Variants in ATRNL1 observed in about 807,000 individuals in gnomAD.
ATRNL1 encodes the protein attractin-like protein 1.
ATRNL1 carries 95 observed loss-of-function variants against 182.7 expected under a neutral mutation model. The observed-to-expected ratio is 0.52, with a 90% CI of 0.44 to 0.62. The LOEUF (loss-of-function observed/expected upper bound fraction) is 0.62. Among genes scored for constraint, ATRNL1 ranks in the 20% least tolerant of loss-of-function variants. The pLI, the probability that ATRNL1 is intolerant of heterozygous loss-of-function variation, is 0.00. For missense variants in ATRNL1, 1,471 were observed against 1,679.5 expected, an observed-to-expected ratio of 0.88 and a Z score of 2.17; for synonymous variants, 576 against 568.3, an observed-to-expected ratio of 1.01 and a Z score of -0.19.
intron 26 of ATRNL1, among the ~76,000 whole-genome samples, chr10:115,584,440 C>T: frequency 7.1e-6 from 1 of 141,580 alleles, no homozygotes; most frequent in Non-Finnish European, 1.6e-5. Flanking sequence ...TGTTATTGGT[C>T]TATTCAGAGA....
intron 23 of ATRNL1, among the ~76,000 whole-genome samples, chr10:115,468,303 G>T (rs557420481): frequency 6.6e-6 from 1 of 150,852 alleles, no homozygotes; most frequent in South Asian, 2.1e-4. Context: ...AATCACTTTA[G>T]AACAATAATT....
At chr10:115,448,059 T>C (rs1480308336) in intron 21 of ATRNL1, among the ~76,000 whole-genome samples, 1 of 152,166 alleles carries the variant, frequency 6.6e-6, no homozygotes, top group Non-Finnish European at 1.5e-5. Flanking sequence ...TTATTCTTTG[T>C]CTTTTTCTTA....
intron 26 of ATRNL1, among the ~76,000 whole-genome samples, chr10:115,658,099 T>A (rs1391562487): frequency 6.0e-5 from 8 of 134,012 alleles, no homozygotes; most frequent in African/African-American, 2.2e-4. Context: ...CCTTTTTTTT[T>A]TTTTTTTTTT....
At chr10:115,544,822 A>G (rs1015970996) in intron 25 of ATRNL1, among the ~76,000 whole-genome samples, 1 of 152,202 alleles carries the variant, frequency 6.6e-6, no homozygotes, top group Non-Finnish European at 1.5e-5. Context: ...CAAGATTGTC[A>G]ATAAAGACGG....
chr10:115,368,173 C>G (rs112657580), intron 19 of ATRNL1, among the ~76,000 whole-genome samples: 9,385 of 152,224 alleles, frequency 0.062, 955 homozygotes, highest in African/African-American at 0.21. Flanking sequence ...TAGCAATCAG[C>G]GAGACTCCGT....
chr10:115,758,629 G>T (rs1362668427), intron 27 of ATRNL1, among the ~76,000 whole-genome samples: 1 of 152,234 alleles, frequency 6.6e-6, no homozygotes, highest in African/African-American at 2.4e-5. Flanking sequence ...TGAGGAGGCA[G>T]TCTGTCCCTT....
intron 26 of ATRNL1, among the ~76,000 whole-genome samples, chr10:115,578,132 T>A (rs2804185): frequency 1 from 151,329 of 151,818 alleles, 75,427 homozygotes; most frequent in Non-Finnish European, 1. Context: ...AATCTTTTTG[T>A]TGTGTTGTTG....
chr10:115,569,195 T>G (rs1217420168), intron 26 of ATRNL1, among the ~76,000 whole-genome samples: 1 of 152,184 alleles, frequency 6.6e-6, no homozygotes, highest in African/African-American at 2.4e-5. Context: ...TTGGATATCT[T>G]TCCATTGCCA....
At chr10:115,854,275 C>T (rs1188193849) in intron 28 of ATRNL1, among the ~76,000 whole-genome samples, 1 of 152,214 alleles carries the variant, frequency 6.6e-6, no homozygotes, top group Non-Finnish European at 1.5e-5. Context: ...ATTCTCGCAT[C>T]TCTGTAGTGT....
intron 10 of ATRNL1, among the ~76,000 whole-genome samples, chr10:115,247,208 G>T (rs1233383532): frequency 6.6e-6 from 1 of 152,082 alleles, no homozygotes; most frequent in Non-Finnish European, 1.5e-5. Context: ...ACAATCAACA[G>T]AATGAAAAGA....
chr10:115,207,792 A>G (rs1399154597), intron 8 of ATRNL1, among the ~76,000 whole-genome samples: 10 of 151,846 alleles, frequency 6.6e-5, no homozygotes, highest in African/African-American at 2.2e-4. Context: ...TTTTGTCTTC[A>G]TAACTTCATG....
chr10:115,435,416 A>G (rs1164768012), intron 21 of ATRNL1, among the ~76,000 whole-genome samples: 1 of 152,030 alleles, frequency 6.6e-6, no homozygotes, highest in African/African-American at 2.4e-5. Flanking sequence ...CTGCCATGGG[A>G]TGACACAGCA....
intron 8 of ATRNL1, among the ~76,000 whole-genome samples, chr10:115,190,081 A>C (rs1275647222): frequency 6.6e-6 from 1 of 152,132 alleles, no homozygotes; most frequent in South Asian, 2.1e-4. Context: ...CTAGGTATGT[A>C]GTAGGCTATA....
At chr10:115,674,994 T>C (rs1431709392) in intron 26 of ATRNL1, among the ~76,000 whole-genome samples, 1 of 152,116 alleles carries the variant, frequency 6.6e-6, no homozygotes, top group East Asian at 1.9e-4. Flanking sequence ...GTTCATTTCT[T>C]TTAACTCTGT....
chr10:115,486,634 G>T (rs376774031), intron 24 of ATRNL1, among the ~76,000 whole-genome samples: 157 of 152,154 alleles, frequency 1.0e-3, no homozygotes, highest in African/African-American at 3.5e-3. Flanking sequence ...TTGTAGTCTG[G>T]ATATTAGCCC....
At chr10:115,311,283 G>A (rs1331065518) in intron 17 of ATRNL1, among the ~76,000 whole-genome samples, 4 of 147,900 alleles carry the variant, frequency 2.7e-5, no homozygotes, top group Non-Finnish European at 4.4e-5. Context: ...TCCACCTCCC[G>A]GATTCAAGCA....
At chr10:115,745,956 C>T (rs1555069056) in intron 27 of ATRNL1, among the ~76,000 whole-genome samples, 2 of 152,064 alleles carry the variant, frequency 1.3e-5, no homozygotes, top group African/African-American at 4.8e-5. Context: ...TGGAAAATAT[C>T]TTCATAAAAT....
chr10:115,141,417 A>G (rs1178533743), intron 5 of ATRNL1, among the ~76,000 whole-genome samples: 1 of 152,088 alleles, frequency 6.6e-6, no homozygotes, highest in African/African-American at 2.4e-5. Context: ...ATTTTGTTTC[A>G]ATCCTTTGGT....
chr10:115,171,497 G>A, intron 8 of ATRNL1: 1 of 411,868 alleles, frequency 2.4e-6, no homozygotes, highest in Admixed American at 4.4e-5. Flanking sequence ...CCAAATGAGG[G>A]GAAATATTAC....
Sources: gnomAD v4.1 joint callset for allele counts (sites outside exome capture counted in the v4.1 genomes callset) on GRCh38, gnomAD v4.1.1 for gene constraint, MANE v1.5 for transcripts, NCBI Gene and HGNC (gene_info 2026-07-23, HGNC 2026-07-21) for gene names.